Variants in PDE10A observed in about 807,000 individuals in gnomAD.
PDE10A encodes cAMP and cAMP-inhibited cGMP 3',5'-cyclic phosphodiesterase 10A.
PDE10A carries 39 observed loss-of-function variants against 97.7 expected under a neutral mutation model. The observed-to-expected ratio is 0.40, with a 90% confidence interval of 0.31 to 0.52. The LOEUF (loss-of-function observed/expected upper bound fraction) is 0.52, where lower values mean the gene tolerates loss of function less well. Ranked by LOEUF, PDE10A falls within the 20% of genes least tolerant of loss-of-function variation. The pLI is 0.56. For missense variants in PDE10A, 731 were observed against 1,047.8 expected, an observed-to-expected ratio of 0.70 and a Z score of 4.17; for synonymous variants, 371 against 376.8, an observed-to-expected ratio of 0.98 and a Z score of 0.18.
At chr6:165,963,751 G>A (rs1017609510) in intron 1 of PDE10A, among the ~76,000 whole-genome samples, 1 of 152,172 alleles carries the variant, frequency 6.6e-6, no homozygotes, top group South Asian at 2.1e-4. Context: ...CCCTCTTGCT[G>A]GAAGGTGGTA....
intron 1 of PDE10A, among the ~76,000 whole-genome samples, chr6:165,633,163 T>C (rs1165010584): frequency 1.3e-5 from 2 of 151,978 alleles, no homozygotes; most frequent in Non-Finnish European, 2.9e-5. Context: ...ATAGAGCAAA[T>C]GCCTTTGGTT....
At chr6:165,681,137 C>T (rs1204090832) in intron 1 of PDE10A, among the ~76,000 whole-genome samples, 4 of 152,164 alleles carry the variant, frequency 2.6e-5, no homozygotes, top group Admixed American at 1.3e-4. Context: ...TTGATGGCAA[C>T]GCCTGTGTTT....
At chr6:165,986,963 G>A (rs1785241384) in intron 1 of PDE10A, among the ~76,000 whole-genome samples, 1 of 11,434 alleles carries the variant, frequency 8.7e-5, no homozygotes, top group Admixed American at 1.3e-3. Flanking sequence ...TTTTGCAGAA[G>A]AGACTGGGGA....
At chr6:165,576,159 T>C (rs539556878) in intron 1 of PDE10A, among the ~76,000 whole-genome samples, 4 of 152,262 alleles carry the variant, frequency 2.6e-5, no homozygotes, top group African/African-American at 4.8e-5. Context: ...TCAAAAGCCA[T>C]TAAAACTAAC....
intron 1 of PDE10A, among the ~76,000 whole-genome samples, chr6:165,876,447 A>C (rs1000694783): frequency 2.0e-5 from 3 of 152,188 alleles, no homozygotes; most frequent in African/African-American, 7.2e-5. Flanking sequence ...AAACAGTGCA[A>C]CTCCTAGGCA....
At chr6:165,697,073 T>C (rs1004989359) in intron 1 of PDE10A, among the ~76,000 whole-genome samples, 1 of 152,086 alleles carries the variant, frequency 6.6e-6, no homozygotes, top group African/African-American at 2.4e-5. Flanking sequence ...CCCAAATACA[T>C]ATCATGGAAG....
Position 165,646,308 on chromosome 6 carries a change from C to T in PDE10A, c.865+15639G>A, listed in dbSNP as rs987825481. ...GAAAACCTAGGTGGAGCCTATCATA[C>T]TTGAAATCAAAACTGATTATAAATA... On this transcript the variant is annotated intron_variant, in intron 1 of 21. Transcript: ENST00000539869. Among the ~76,000 whole-genome samples the T allele has an allele frequency of 2.0e-5, 3 of 152,300 alleles. No homozygotes were observed. In the South Asian group the frequency reaches 6.2e-4, roughly 32 times the overall value.
At chr6:165,361,832 T>C (rs1244188234) in intron 18 of PDE10A, among the ~76,000 whole-genome samples, 1 of 152,224 alleles carries the variant, frequency 6.6e-6, no homozygotes, top group Non-Finnish European at 1.5e-5. Context: ...TACCTTGATT[T>C]CAGACTTCTG....
At chr6:165,377,502 C>T (rs1441529503) in intron 18 of PDE10A, among the ~76,000 whole-genome samples, 1 of 151,992 alleles carries the variant, frequency 6.6e-6, no homozygotes, top group Non-Finnish European at 1.5e-5. Context: ...GCACCACTAC[C>T]ACGTATGTAC....
chr6:165,768,115 AT>A (rs1481439668), intron 1 of PDE10A, among the ~76,000 whole-genome samples: 1 of 152,028 alleles, frequency 6.6e-6, no homozygotes, highest in Non-Finnish European at 1.5e-5. Flanking sequence ...TCCTTTGCAC[AT>A]TTTTTTGTAA....
At position 165,388,906 on chromosome 6, in the gene PDE10A, G is replaced by C. The variant is rs528544622; in HGVS notation, c.2455-453C>G. On this transcript the variant is annotated intron_variant, in intron 16 of 21. Transcript: ENST00000539869. The surrounding 1 kb of genome is among the most constrained non-coding windows in gnomAD (Gnocchi z 4.0). Reference sequence around the variant, plus strand: ...GGTAAATCATATCGCATGTAAAAATGGCAAATATATAGAAAAAAAGGCAGA... The same window carrying C: ...GGTAAATCATATCGCATGTAAAAATCGCAAATATATAGAAAAAAAGGCAGA... Among the ~76,000 whole-genome samples the C allele has an allele frequency of 7.9e-5, 12 of 152,112 alleles. No individual in the cohort carries two copies. The South Asian group carries it at 1.0e-3, about 13-fold the overall frequency.
At chr6:165,905,994 TCCTTCCTTCCTTCCTTC>T (rs1562791878) in intron 1 of PDE10A, among the ~76,000 whole-genome samples, 3 of 57,606 alleles carry the variant, frequency 5.2e-5, no homozygotes, top group Non-Finnish European at 1.0e-4. Flanking sequence ...CTTCCTTCCT[TCCTTCCTTCCTTCCTTC>T]CTTCCCTCCC....
At chr6:165,404,856 CA>C (rs1216779899) in intron 13 of PDE10A, among the ~76,000 whole-genome samples, 1 of 151,548 alleles carries the variant, frequency 6.6e-6, no homozygotes, top group African/African-American at 2.4e-5. Context: ...AATGCAAAAA[CA>C]AAACAAAACA....
intron 3 of PDE10A, among the ~76,000 whole-genome samples, chr6:165,466,858 C>A (rs1239333067): frequency 2.0e-5 from 3 of 152,088 alleles, no homozygotes; most frequent in East Asian, 1.9e-4. Context: ...AATAAGTAAA[C>A]CTAGTGAGGA....
intron 1 of PDE10A, among the ~76,000 whole-genome samples, chr6:165,901,574 G>A (rs945491132): frequency 6.6e-6 from 1 of 152,234 alleles, no homozygotes; most frequent in Non-Finnish European, 1.5e-5. Context: ...AAGCCGAGGC[G>A]GGCGGATCAC....
intron 2 of PDE10A, among the ~76,000 whole-genome samples, chr6:165,494,396 T>C (rs2128290179): frequency 1.3e-5 from 2 of 150,510 alleles, no homozygotes; most frequent in East Asian, 4.0e-4. Flanking sequence ...CCATTTACAG[T>C]TGCAAAAATA....
At chr6:165,588,852 T>C (rs1786081810) in intron 1 of PDE10A, among the ~76,000 whole-genome samples, 1 of 152,174 alleles carries the variant, frequency 6.6e-6, no homozygotes, top group Non-Finnish European at 1.5e-5. Flanking sequence ...CTATGCAGTT[T>C]TTGTGAATGT....
intron 2 of PDE10A, among the ~76,000 whole-genome samples, chr6:165,504,494 G>C (rs1781078835): frequency 6.6e-6 from 1 of 152,154 alleles, no homozygotes; most frequent in Non-Finnish European, 1.5e-5. Context: ...CTCCAGCACA[G>C]CTGTAGCCAC....
Position 165,532,752 on chromosome 6 carries a change from A to T in PDE10A, c.994+10688T>A, listed in dbSNP as rs551325865. 2.6e-5 allele frequency among the ~76,000 whole-genome samples: 4 copies of T among 152,278 alleles called. No homozygotes were observed. The East Asian group carries it at 7.7e-4, about 29-fold the overall frequency. On this transcript the variant is annotated intron_variant, in intron 2 of 21. Coordinates refer to ENST00000539869, the MANE Select transcript of PDE10A (RefSeq NM_001385079.1). ...TTACTGGTCTGGGGATCACACTAGT[A>T]TCAGCGGCCTAGTTCAACCACTCCA...
Sources: gnomAD v4.1 joint callset for allele counts (sites outside exome capture counted in the v4.1 genomes callset) on GRCh38, gnomAD v4.1.1 for gene constraint, Gnocchi (gnomAD v3.1) non-coding constraint, MANE v1.5 for transcripts, NCBI Gene and HGNC (gene_info 2026-07-23, HGNC 2026-07-21) for gene names.